Variants in STPG2 observed in about 807,000 individuals in gnomAD.
The protein encoded by STPG2 is sperm tail PG-rich repeat containing 2, also known as sperm-tail PG-rich repeat-containing protein 2.
STPG2 carries 56 observed loss-of-function variants against 54.2 expected under a neutral mutation model. That is an observed-to-expected ratio of 1.03 (90% CI 0.83 to 1.29). The LOEUF is 1.29. Ranked by LOEUF, STPG2 falls within the 50% of genes most tolerant of loss-of-function variation. STPG2 has a pLI of 0.00. For missense variants in STPG2, 596 were observed against 544.9 expected (o/e 1.09, Z -0.93); for synonymous variants, 200 against 181.8 (o/e 1.10, Z -0.81).
Position 98,134,442 on chromosome 4 carries a change from G to T in STPG2, c.127C>A (p.Leu43Ile), listed in dbSNP as rs749620334. ...QQATGSNAPF[L>I]SLTARESTFT... Reference sequence around the variant, plus strand: ...GTACTTTCTCTGGCAGTCAAAGAAAGAAATGGTGCATTACTACCTATAAAA... The same window carrying T: ...GTACTTTCTCTGGCAGTCAAAGAAATAAATGGTGCATTACTACCTATAAAA... Residue 43 changes from leucine (L) to isoleucine (I), a missense_variant, in exon 2 of 11, where the codon CTT becomes ATT. Leu to Ile is a conservative substitution (Grantham distance 5). Coordinates refer to ENST00000295268, the MANE Select transcript of STPG2 (RefSeq NM_174952.3). The T allele has an allele frequency of 4.4e-6, 7 of 1,583,232 alleles. No homozygotes were observed. Among genetic ancestry groups the T allele is most frequent in the Non-Finnish European group, 6.0e-6 (7 of 1,162,124 alleles).
At chr4:97,756,234 T>C (rs1302302107) in intron 9 of STPG2, among the ~76,000 whole-genome samples, 1 of 152,220 alleles carries the variant, frequency 6.6e-6, no homozygotes, top group Non-Finnish European at 1.5e-5. Context: ...AACCATTAGA[T>C]AAACAAAATT....
chr4:97,602,843 A>T (rs1350010261), intron 10 of STPG2, among the ~76,000 whole-genome samples: 1 of 151,828 alleles, frequency 6.6e-6, no homozygotes, highest in Non-Finnish European at 1.5e-5. Context: ...GCACATAATC[A>T]ATTGGCCATT....
Position 98,041,607 on chromosome 4 carries a change from T to C in STPG2, c.613-60289A>G, listed in dbSNP as rs190271175. On this transcript the variant is annotated intron_variant, in intron 5 of 10. Transcript: ENST00000295268. The stretch of plus-strand genomic sequence containing the variant: ...GAGATGATCATATAGTTTTTTGTTT[T>C]TAATTTTGTTTATGCAATGAATCAC... Among the ~76,000 whole-genome samples the C allele has an allele frequency of 2.0e-4, 30 of 152,066 alleles. 1 individual carries two copies. The East Asian group carries it at 4.4e-3, about 23-fold the overall frequency.
chr4:98,114,094 T>C (rs1739439447), intron 3 of STPG2, among the ~76,000 whole-genome samples: 1 of 152,068 alleles, frequency 6.6e-6, no homozygotes. Flanking sequence ...TTCCAAAGAC[T>C]GCTGTGCCAA....
At chr4:98,083,103 T>G (rs889838627) in intron 5 of STPG2, among the ~76,000 whole-genome samples, 4 of 152,110 alleles carry the variant, frequency 2.6e-5, no homozygotes, top group Non-Finnish European at 5.9e-5. Flanking sequence ...CCTCCCAATA[T>G]CATCCTGTAC....
At chr4:97,650,113 C>T (rs915946448) in intron 10 of STPG2, among the ~76,000 whole-genome samples, 1 of 152,040 alleles carries the variant, frequency 6.6e-6, no homozygotes, top group Non-Finnish European at 1.5e-5. Context: ...CTAACACAAC[C>T]GCTGATCTGA....
chr4:98,031,046 G>C (rs1736579616), intron 5 of STPG2, among the ~76,000 whole-genome samples: 1 of 152,082 alleles, frequency 6.6e-6, no homozygotes, highest in African/African-American at 2.4e-5. Context: ...GCATGGTACT[G>C]GTATAAAAAC....
At chr4:97,722,062 C>CT (rs148500830) in intron 9 of STPG2, among the ~76,000 whole-genome samples, 15,982 of 148,844 alleles carry the variant, frequency 0.11, 2,517 homozygotes, top group African/African-American at 0.35. Context: ...CCCTCCCCTC[C>CT]TTTTTTTTTC....
intron 6 of STPG2, among the ~76,000 whole-genome samples, chr4:97,974,772 C>T (rs551444380): frequency 6.6e-6 from 1 of 152,172 alleles, no homozygotes; most frequent in African/African-American, 2.4e-5. Flanking sequence ...GTCCATTAAA[C>T]CTCTTTCTTT....
intron 2 of STPG2, among the ~76,000 whole-genome samples, chr4:98,133,861 A>G (rs1560694600): frequency 6.6e-6 from 1 of 152,028 alleles, no homozygotes; most frequent in East Asian, 1.9e-4. Context: ...GACTATGAAG[A>G]TATCAGAGTT....
intron 6 of STPG2, among the ~76,000 whole-genome samples, chr4:97,975,127 A>G: frequency 6.6e-6 from 1 of 152,212 alleles, no homozygotes; most frequent in East Asian, 1.9e-4. Flanking sequence ...CTAGGGCCAG[A>G]AGTGGGAATA....
Position 97,712,701 on chromosome 4 carries a change from CAT to C in STPG2, c.1316_1317del (p.Tyr439Ter). On this transcript the variant is annotated frameshift_variant, in exon 10 of 11. Transcript: ENST00000295268. LOFTEE classifies it high-confidence loss of function. ...SKEITPGPAT[Y>X]EISQEKKKGN... ...TTAAGAAGGAAATATTGACAAACCTCATATGTTGCTGGGCCTGGAGTAATCTC... is the reference window on the plus strand; with the variant it reads ...TTAAGAAGGAAATATTGACAAACCTCATGTTGCTGGGCCTGGAGTAATCTC... 6.4e-7 allele frequency: 1 copy of C among 1,569,536 alleles called. No homozygotes were observed. The highest frequency in any genetic ancestry group is 1.2e-5 in the South Asian group (1 of 82,624).
chr4:97,500,891 A>G (rs901424319), intron 4 of STPG2, among the ~76,000 whole-genome samples: 10 of 152,062 alleles, frequency 6.6e-5, no homozygotes, highest in African/African-American at 1.4e-4. Context: ...GCAACTAACT[A>G]TAGAAAATAT....
intron 8 of STPG2, among the ~76,000 whole-genome samples, chr4:97,851,081 T>C (rs1729146049): frequency 6.6e-6 from 1 of 152,180 alleles, no homozygotes; most frequent in Admixed American, 6.6e-5. Context: ...TCATTAGCTC[T>C]TTCAGCTCTG....
At chr4:97,945,984 G>T (rs1282946354) in intron 7 of STPG2, among the ~76,000 whole-genome samples, 1 of 152,036 alleles carries the variant, frequency 6.6e-6, no homozygotes, top group Non-Finnish European at 1.5e-5. Flanking sequence ...CCTGGAGCCT[G>T]GGAGATCAAG....
At chr4:97,497,522 T>C (rs1038997606) in intron 4 of STPG2, among the ~76,000 whole-genome samples, 6 of 151,902 alleles carry the variant, frequency 3.9e-5, no homozygotes, top group African/African-American at 1.4e-4. Flanking sequence ...AAAGTTATAC[T>C]TCTGTTATTT....
intron 7 of STPG2, among the ~76,000 whole-genome samples, chr4:97,966,096 G>C (rs1734088039): frequency 6.6e-6 from 1 of 152,186 alleles, no homozygotes; most frequent in Non-Finnish European, 1.5e-5. Flanking sequence ...AAAGGAGCAT[G>C]TTTGAGCCCA....
At chr4:98,010,403 TA>T (rs1735708293) in intron 5 of STPG2, among the ~76,000 whole-genome samples, 1 of 152,170 alleles carries the variant, frequency 6.6e-6, no homozygotes, top group Non-Finnish European at 1.5e-5. Context: ...GACAGTTTTT[TA>T]CTTAATGTCT....
intron 5 of STPG2, among the ~76,000 whole-genome samples, chr4:98,018,538 TG>T (rs1483124092): frequency 6.6e-6 from 1 of 152,332 alleles, no homozygotes; most frequent in Non-Finnish European, 1.5e-5. Flanking sequence ...TACCCAGTAA[TG>T]GGATGGCTGG....
Sources: gnomAD v4.1 joint callset for allele counts (sites outside exome capture counted in the v4.1 genomes callset) on GRCh38, gnomAD v4.1.1 for gene constraint, MANE v1.5 for transcripts, NCBI Gene and HGNC (gene_info 2026-07-23, HGNC 2026-07-21) for gene names.